The following CA10 variants were observed in gnomAD, a reference collection of about 807,000 sequenced individuals.
CA10 encodes carbonic anhydrase 10 (inactive).
CA10 carries 14 observed loss-of-function variants against 44.2 expected under a neutral mutation model. That is an observed-to-expected ratio of 0.32 (90% CI 0.21 to 0.50). The LOEUF is 0.50. Ranked by LOEUF, CA10 falls within the 20% of genes least tolerant of loss-of-function variation. CA10 has a pLI of 0.99. For missense variants in CA10, 350 were observed against 409.7 expected (o/e 0.85, Z 1.26); for synonymous variants, 159 against 141.6 (o/e 1.12, Z -0.87).
At chr17:52,141,537 T>C (rs1471172746) in intron 1 of CA10, among the ~76,000 whole-genome samples, 2 of 152,240 alleles carry the variant, frequency 1.3e-5, no homozygotes. Context: ...ATACATGTTT[T>C]AGGCTTTGCA....
intron 2 of CA10, among the ~76,000 whole-genome samples, chr17:51,950,552 TG>T (rs1295576371): frequency 6.6e-6 from 1 of 152,126 alleles, no homozygotes; most frequent in African/African-American, 2.4e-5. Context: ...CACCTCCTAT[TG>T]GGTGTCCTTC....
intron 3 of CA10, among the ~76,000 whole-genome samples, chr17:51,904,224 T>A (rs1981443778): frequency 6.6e-6 from 1 of 152,014 alleles, no homozygotes; most frequent in African/African-American, 2.4e-5. Flanking sequence ...CTTATTATAT[T>A]CTTAGAAGGT....
At chr17:51,765,900 CA>C (rs1292075953) in intron 3 of CA10, among the ~76,000 whole-genome samples, 1 of 152,100 alleles carries the variant, frequency 6.6e-6, no homozygotes, top group East Asian at 1.9e-4. Flanking sequence ...GAGTAAATTA[CA>C]GCTGAAGAGA....
chr17:51,657,433 A>G (rs1913836154), intron 4 of CA10, among the ~76,000 whole-genome samples: 1 of 152,112 alleles, frequency 6.6e-6, no homozygotes, highest in South Asian at 2.1e-4. Flanking sequence ...AATAATGCTA[A>G]CCCAATACCC....
intron 4 of CA10, among the ~76,000 whole-genome samples, chr17:51,678,585 C>A (rs1435848479): frequency 6.6e-6 from 1 of 152,114 alleles, no homozygotes; most frequent in East Asian, 1.9e-4. Context: ...ATTAACTTGG[C>A]CTTGCTGGTC....
chr17:51,955,257 A>C lies in CA10; in HGVS notation c.137-24125T>G, dbSNP rs577357691. Among the ~76,000 whole-genome samples, 3 of 152,240 alleles carry C rather than the reference A, an allele frequency of 2.0e-5. No individual in the cohort carries two copies. In the South Asian group the frequency reaches 6.2e-4, roughly 32 times the overall value. ...TTATCTCAGAGCCTCATTACCTCTGAGAGGTTTCCTGATGGCCTCAACTCA... is the reference window on the plus strand; with the variant it reads ...TTATCTCAGAGCCTCATTACCTCTGCGAGGTTTCCTGATGGCCTCAACTCA... On this transcript the variant is annotated intron_variant, in intron 2 of 8. Transcript: ENST00000451037.
At chr17:52,035,759 C>T (rs781468014) in intron 2 of CA10, among the ~76,000 whole-genome samples, 30 of 152,214 alleles carry the variant, frequency 2.0e-4, no homozygotes, top group African/African-American at 2.7e-4. Context: ...GTTCCTGCCT[C>T]GTTCGCTCAT....
intron 3 of CA10, among the ~76,000 whole-genome samples, chr17:51,782,549 T>G (rs1906105530): frequency 6.6e-6 from 1 of 152,184 alleles, no homozygotes; most frequent in African/African-American, 2.4e-5. Context: ...AGGCCAAGCT[T>G]GCTTCTTTCA....
At chr17:51,831,716 A>AGCGGCG (rs1418205699) in intron 3 of CA10, among the ~76,000 whole-genome samples, 2 of 111,270 alleles carry the variant, frequency 1.8e-5, no homozygotes, top group East Asian at 6.4e-4. Flanking sequence ...CAGCAGCAGC[A>AGCGGCG]GCAGCAGCAG....
chr17:51,796,193 G>A (rs1051231751), intron 3 of CA10, among the ~76,000 whole-genome samples: 8 of 152,038 alleles, frequency 5.3e-5, no homozygotes, highest in Non-Finnish European at 7.4e-5. Flanking sequence ...GGAAAGCATT[G>A]TACAGAGTCT....
At chr17:51,756,236 C>T (rs1007570215) in intron 3 of CA10, among the ~76,000 whole-genome samples, 1 of 152,172 alleles carries the variant, frequency 6.6e-6, no homozygotes, top group Non-Finnish European at 1.5e-5. Flanking sequence ...TTTCCATCAT[C>T]ATCTCATTTC....
chr17:51,631,414 T>C lies in CA10; in HGVS notation c.*170A>G. ...TTTGTGAGTATGTGTGAGAGATGTATTCCTCTGCCATGGTTTTGCAGACAC... is the reference window on the plus strand; with the variant it reads ...TTTGTGAGTATGTGTGAGAGATGTACTCCTCTGCCATGGTTTTGCAGACAC... On this transcript the variant is annotated 3_prime_UTR_variant, in exon 9 of 9. Transcript: ENST00000451037. The C allele has an allele frequency of 1.4e-6, 1 of 702,942 alleles. No individual in the cohort carries two copies. The highest frequency in any genetic ancestry group is 1.7e-5 in the South Asian group (1 of 59,092). The allele number at this position is 702,942 out of a possible 1,614,324, so 43.5% of individuals were successfully genotyped here.
intron 3 of CA10, among the ~76,000 whole-genome samples, chr17:51,816,536 T>C (rs1269612625): frequency 6.6e-6 from 1 of 152,212 alleles, no homozygotes; most frequent in Non-Finnish European, 1.5e-5. Context: ...CACTAACCTC[T>C]AATTGAAAGC....
In CA10 at chr17:51,933,613, T is replaced by C. The variant is rs1330622700; in HGVS notation, c.137-2481A>G. Among the ~76,000 whole-genome samples the C allele has an allele frequency of 2.6e-5, 4 of 152,160 alleles. No homozygotes were observed. The East Asian group carries it at 7.7e-4, about 29-fold the overall frequency. On this transcript the variant is annotated intron_variant, in intron 2 of 8. Transcript: ENST00000451037. Reference sequence around the variant, plus strand: ...TAAGCCATGCAGTTGTGATCATTTGTTATGGCAGTAACGGAAAAGTAATAC... The same window carrying C: ...TAAGCCATGCAGTTGTGATCATTTGCTATGGCAGTAACGGAAAAGTAATAC...
chr17:51,780,805 C>G lies in CA10; in HGVS notation c.280-32987G>C, dbSNP rs116158223. 1.0e-3 allele frequency among the ~76,000 whole-genome samples: 155 copies of G among 152,228 alleles called. 1 individual carries two copies. The highest frequency in any genetic ancestry group is 3.2e-3 in the African/African-American group (133 of 41,556). Reference sequence around the variant, plus strand: ...GCAGAAAGAACAGTGTGAGCAAGAGCCTGGAGGTTTCGAATTCTAAAGCAA... The same window carrying G: ...GCAGAAAGAACAGTGTGAGCAAGAGGCTGGAGGTTTCGAATTCTAAAGCAA... On this transcript the variant is annotated intron_variant, in intron 3 of 8. Transcript: ENST00000451037.
rs993891216 is a variant in CA10 at position 52,152,939 on chromosome 17, G to A, written c.61+4787C>T. Among the ~76,000 whole-genome samples the A allele has an allele frequency of 2.0e-5, 3 of 152,082 alleles. No homozygotes were observed. The South Asian group carries it at 6.2e-4, about 31-fold the overall frequency. On this transcript the variant is annotated intron_variant, in intron 1 of 8. Coordinates refer to ENST00000451037, the MANE Select transcript of CA10 (RefSeq NM_020178.5). ...AAGGTAATGAAGGTAGAGTCACGTT[G>A]AAGGATAGGTCTTCTGATTTCCATA... is the stretch of plus-strand genomic sequence containing the variant.
At chr17:52,063,810 C>T (rs1987458667) in intron 2 of CA10, among the ~76,000 whole-genome samples, 1 of 152,152 alleles carries the variant, frequency 6.6e-6, no homozygotes, top group Non-Finnish European at 1.5e-5. Context: ...TATCCAGCCT[C>T]AGGTATTCAT....
intron 4 of CA10, among the ~76,000 whole-genome samples, chr17:51,702,104 C>T (rs1915623157): frequency 6.9e-6 from 1 of 144,746 alleles, no homozygotes; most frequent in South Asian, 2.1e-4. Context: ...CAGAAGGGAT[C>T]CTAAAAATCA....
intron 3 of CA10, among the ~76,000 whole-genome samples, chr17:51,904,305 C>T (rs754674618): frequency 3.3e-5 from 5 of 152,072 alleles, no homozygotes; most frequent in Admixed American, 6.6e-5. Context: ...AGGCTGCCTG[C>T]TTACAGGAAT....
Sources: gnomAD v4.1 joint callset for allele counts (sites outside exome capture counted in the v4.1 genomes callset) on GRCh38, gnomAD v4.1.1 for gene constraint, MANE v1.5 for transcripts, NCBI Gene and HGNC (gene_info 2026-07-23, HGNC 2026-07-21) for gene names.